Variants in RTF1 observed in about 807,000 individuals in gnomAD.
RTF1 encodes RTF1 homolog, Paf1/RNA polymerase II complex component, also known as RNA polymerase-associated protein RTF1 homolog.
RTF1 carries 10 observed loss-of-function variants against 95.7 expected under a neutral mutation model. The ratio of observed to expected loss-of-function variants is 0.10; its 90% CI spans 0.06 to 0.18. The LOEUF is 0.18. RTF1 is among the 10% of genes least tolerant of loss of function. The pLI, the probability that RTF1 is intolerant of heterozygous loss-of-function variation, is 1.00. For missense variants in RTF1, 458 were observed against 875.6 expected (o/e 0.52, Z 6.02); for synonymous variants, 305 against 311.8 (o/e 0.98, Z 0.23).
intron 6 of RTF1, 123 bp from the exon 7 acceptor site, chr15:41,470,134 C>G: frequency 9.8e-7 from 1 of 1,015,274 alleles, no homozygotes; most frequent in East Asian, 2.4e-5. Flanking sequence ...CAAGTTAGCA[C>G]AATCCAGTCT....
chr15:41,465,549 A>G (rs2050876706), intron 5 of RTF1, among the ~76,000 whole-genome samples: 1 of 152,034 alleles, frequency 6.6e-6, no homozygotes, highest in East Asian at 1.9e-4. Flanking sequence ...GCTGAGGCAC[A>G]AGAATTGCTT....
chr15:41,456,774 G>A (rs1017683043), intron 3 of RTF1, among the ~76,000 whole-genome samples: 1 of 151,040 alleles, frequency 6.6e-6, no homozygotes, highest in Admixed American at 6.6e-5. Context: ...TGGGTGACAA[G>A]CAAAAACTCC....
intron 1 of RTF1, 80 bp downstream of exon 1, chr15:41,417,393 G>A: frequency 8.5e-7 from 1 of 1,180,026 alleles, no homozygotes; most frequent in Non-Finnish European, 1.1e-6. Context: ...GGCCGGGCCT[G>A]GAGCCTTCCT....
At position 41,480,310 on chromosome 15, in the gene RTF1, C is replaced by G; in HGVS notation, c.2011C>G (p.Gln671Glu). The change falls in exon 17 of 18, where the codon CAA (glutamine) becomes GAA (glutamate). Residue 671 changes from glutamine (Q) to glutamate (E), a missense_variant. This residue lies in a region of RTF1 where 50 missense variants were observed against 100.0 expected (regional missense o/e 0.50). Transcript: ENST00000389629. ...VHDFDVKIDLQVPSSESKALA... is the reference protein window; with the variant it reads ...VHDFDVKIDLEVPSSESKALA... ...CGATTTTGATGTGAAGATTGACTTA[C>G]AAGTTCCCAGCTCAGGTATGTGAGG... 6.2e-7 allele frequency: 1 copy of G among 1,611,138 alleles called. No homozygotes were observed. The highest frequency in any genetic ancestry group is 8.5e-7 in the Non-Finnish European group (1 of 1,177,266).
chr15:41,460,179 A>G (rs760262895), intron 4 of RTF1, among the ~76,000 whole-genome samples: 2 of 150,598 alleles, frequency 1.3e-5, no homozygotes, highest in Non-Finnish European at 3.0e-5. Context: ...CTGGAGTGCA[A>G]TGGCACGATC....
chr15:41,460,244 T>A (rs1047759026), intron 4 of RTF1, among the ~76,000 whole-genome samples: 1 of 150,646 alleles, frequency 6.6e-6, no homozygotes, highest in African/African-American at 2.4e-5. Context: ...TGCCTCAGCC[T>A]CCCAAGCAGC....
At chr15:41,444,994 C>T (rs1253896067) in intron 2 of RTF1, among the ~76,000 whole-genome samples, 3 of 152,056 alleles carry the variant, frequency 2.0e-5, no homozygotes, top group Non-Finnish European at 2.9e-5. Flanking sequence ...TGCAGTGGCA[C>T]GATCTTGGCT....
chr15:41,478,845 C>T, intron 15 of RTF1: 1 of 609,222 alleles, frequency 1.6e-6, no homozygotes, highest in East Asian at 2.7e-5. Context: ...GACTGATCCT[C>T]CTGTATCAGG....
Position 41,476,486 on chromosome 15 carries a change from A to G in RTF1, c.1523A>G (p.Asn508Ser). The G allele has an allele frequency of 6.2e-7, 1 of 1,613,816 alleles. No homozygotes were observed. The highest frequency in any genetic ancestry group is 8.5e-7 in the Non-Finnish European group (1 of 1,179,802). Residue 508 changes from asparagine (N) to serine (S), a missense_variant, in exon 12 of 18, where the codon AAC becomes AGC. Asn to Ser is a conservative substitution (Grantham distance 46, BLOSUM62 1). Transcript: ENST00000389629. ...GAAAGGTTCAGAAAAGCTCCACCCA[A>G]CTACGCTATGAAGAAGACTCAGCTA... Reference protein sequence around the residue: ...EKERFRKAPPNYAMKKTQLLK... With the variant: ...EKERFRKAPPSYAMKKTQLLK...
chr15:41,465,755 A>T (rs1163226941), intron 5 of RTF1, among the ~76,000 whole-genome samples: 1 of 152,140 alleles, frequency 6.6e-6, no homozygotes, highest in African/African-American at 2.4e-5. Flanking sequence ...ATCATCCTTT[A>T]CTTGGTATAA....
chr15:41,452,626 C>G (rs536616678), intron 2 of RTF1, among the ~76,000 whole-genome samples: 8 of 152,032 alleles, frequency 5.3e-5, no homozygotes, highest in African/African-American at 1.7e-4. Flanking sequence ...CCCAACTACT[C>G]CAGAGGCTAA....
At chr15:41,431,803 CTTT>C (rs112428098) in intron 1 of RTF1, among the ~76,000 whole-genome samples, 2 of 143,992 alleles carry the variant, frequency 1.4e-5, no homozygotes. Flanking sequence ...CTGGCTCATA[CTTT>C]TTTTTTTTTT....
At chr15:41,453,784 T>C (rs1258446894) in intron 3 of RTF1, among the ~76,000 whole-genome samples, 1 of 148,904 alleles carries the variant, frequency 6.7e-6, no homozygotes, top group African/African-American at 2.5e-5. Flanking sequence ...GAAGAGAAAA[T>C]AGAAGTGAAC....
At chr15:41,427,236 C>T (rs1035267778) in intron 1 of RTF1, among the ~76,000 whole-genome samples, 2 of 150,334 alleles carry the variant, frequency 1.3e-5, no homozygotes, top group Non-Finnish European at 3.0e-5. Context: ...ACTGCAAGCT[C>T]CGCCTCCCGG....
chr15:41,480,407 TA>T (rs1302292494), intron 17 of RTF1, 82 bp downstream of exon 17: 1 of 1,114,820 alleles, frequency 9.0e-7, no homozygotes, highest in Non-Finnish European at 1.4e-6. Flanking sequence ...AGCCCACTTT[TA>T]GGGAAGAAAG....
At chr15:41,459,000 A>T (rs2050833037) in intron 4 of RTF1, among the ~76,000 whole-genome samples, 1 of 152,158 alleles carries the variant, frequency 6.6e-6, no homozygotes, top group South Asian at 2.1e-4. Flanking sequence ...GGAACCCAGG[A>T]GGCGGAGGTT....
chr15:41,463,273 G>T (rs141073550), intron 4 of RTF1, among the ~76,000 whole-genome samples: 142 of 152,110 alleles, frequency 9.3e-4, no homozygotes, highest in African/African-American at 3.4e-3. Flanking sequence ...ATTGTGACTG[G>T]TGCTGCTGTG....
intron 1 of RTF1, among the ~76,000 whole-genome samples, chr15:41,428,776 T>C (rs536032676): frequency 6.6e-6 from 1 of 151,834 alleles, no homozygotes; most frequent in Non-Finnish European, 1.5e-5. Flanking sequence ...CTTGCTCTGT[T>C]GCCCAGGCTG....
intron 3 of RTF1, among the ~76,000 whole-genome samples, chr15:41,457,067 G>C (rs2050822215): frequency 6.6e-6 from 1 of 151,208 alleles, no homozygotes; most frequent in Non-Finnish European, 1.5e-5. Flanking sequence ...GCCTGGGGCA[G>C]AGTGAGACTC....
Sources: gnomAD v4.1 joint callset for allele counts (sites outside exome capture counted in the v4.1 genomes callset) on GRCh38, gnomAD v4.1.1 for gene constraint, gnomAD v4.1.1 regional missense constraint, MANE v1.5 for transcripts, NCBI Gene and HGNC (gene_info 2026-07-23, HGNC 2026-07-21) for gene names.